The following GSDMD variants were observed in gnomAD, a reference collection of about 807,000 sequenced individuals.
The protein encoded by GSDMD is gasdermin D, also known as gasdermin-D.
A neutral mutation model predicts 46.7 loss-of-function variants in GSDMD; 46 were observed. The observed-to-expected ratio is 0.99, with a 90% confidence interval of 0.78 to 1.26. The LOEUF (loss-of-function observed/expected upper bound fraction) is 1.26, where lower values mean the gene tolerates loss of function less well. GSDMD is among the 50% of genes most tolerant of loss of function. The pLI, the probability that GSDMD is intolerant of heterozygous loss-of-function variation, is 0.00. For synonymous variants in GSDMD, 307 were observed against 283.1 expected, an observed-to-expected ratio of 1.08 and a Z score of -0.85; for missense variants, 649 against 638.8, an observed-to-expected ratio of 1.02 and a Z score of -0.17.
chr8:143,554,931 C>A (rs1823275457), upstream of GSDMD: 1 of 152,310 alleles, frequency 6.6e-6, no homozygotes, highest in Admixed American at 6.5e-5. Flanking sequence ...TTGGGTACCC[C>A]CTGCCCTAGG....
upstream of GSDMD, among the ~76,000 whole-genome samples, chr8:143,557,283 T>TTGCCGCTATGGCAAAGGATGC (rs1563902440): frequency 9.5e-5 from 10 of 105,378 alleles, no homozygotes; most frequent in South Asian, 3.3e-4. Flanking sequence ...GGTTTCCACC[T>TTGCCGCTATGGCAAAGGATGC]TGCCGCTATG....
intron 5 of GSDMD, 101 bp from the exon 6 acceptor site, chr8:143,561,269 C>T: frequency 7.9e-7 from 1 of 1,268,422 alleles, no homozygotes; most frequent in Non-Finnish European, 1.1e-6. Flanking sequence ...GGTGATTGGG[C>T]AGGGCCTGAG....
rs1188975535 is a variant in GSDMD, at chr8:143,562,154, G to T, written c.996+23G>T. On this transcript the variant is annotated intron_variant, in intron 8 of 10. Coordinates refer to ENST00000262580, the MANE Select transcript of GSDMD (RefSeq NM_024736.7). ...GCGGTGAGCGGGGGAGGGTGCCCGG[G>T]GCACACAAGGCCTGCCCAGCCAGCC... 2.8e-5 allele frequency: 44 copies of T among 1,597,134 alleles called. No homozygotes were observed. In the East Asian group the frequency reaches 9.6e-4, roughly 35 times the overall value.
chr8:143,561,684 T>C (rs1272047965), intron 6 of GSDMD, 58 bp from the exon 7 acceptor site: 1 of 1,402,320 alleles, frequency 7.1e-7, no homozygotes, highest in Non-Finnish European at 9.9e-7. Flanking sequence ...CAGCCCTCTC[T>C]GGCTCAGACA....
At position 143,558,469 on chromosome 8, in the gene GSDMD, C is replaced by A. The variant is rs776443754; in HGVS notation, c.-5+18C>A. The stretch of plus-strand genomic sequence containing the variant: ...CGGTCACGGTGAGCTGCGCCCCGCC[C>A]CCTCCCCCGGCCTGGCTGGAGCTCC... On this transcript the variant is annotated intron_variant, in intron 1 of 10. Coordinates refer to ENST00000262580, the MANE Select transcript of GSDMD (RefSeq NM_024736.7). 1.5e-5 allele frequency: 22 copies of A among 1,470,844 alleles called. No homozygotes were observed. Among genetic ancestry groups the A allele is most frequent in the Non-Finnish European group, 2.0e-5 (22 of 1,116,694 alleles). The allele number at this position is 1,470,844 out of a possible 1,614,324, so 91.1% of individuals were successfully genotyped here.
upstream of GSDMD, among the ~76,000 whole-genome samples, chr8:143,556,654 C>T (rs1248243773): frequency 6.6e-6 from 1 of 152,248 alleles, no homozygotes; most frequent in Non-Finnish European, 1.5e-5. Context: ...AGGAGTGGGG[C>T]CGAAGCCCAA....
rs781696667 is a variant in GSDMD, at chr8:143,560,594, C to G, written c.411-9C>G. The G allele has an allele frequency of 2.4e-5, 37 of 1,572,980 alleles. No homozygotes were observed. The highest frequency in any genetic ancestry group is 2.8e-5 in the Non-Finnish European group (33 of 1,159,096). ...CGGCCCAGCGAGCTTTGCTGCTCCT[C>G]GGACACAGGCACCTGCGGCAGCCAG... On this transcript the variant is annotated splice_polypyrimidine_tract_variant and intron_variant, in intron 3 of 10. Transcript: ENST00000262580.
chr8:143,562,505 T>G lies in GSDMD; in HGVS notation c.1196T>G (p.Leu399Trp), dbSNP rs1424204860. ...LAEALESQTL[L>W]GPLELVGSLL... ...GAGGCGCTGGAGTCGCAGACCCTGT[T>G]GGGGCCGCTCGAGCTGGTGAGAGGG... The change falls in exon 10 of 11, where the codon TTG becomes TGG. Residue 399 changes from leucine to tryptophan, a missense_variant. Physicochemically the swap from Leu to Trp is moderately conservative, Grantham distance 61. Coordinates refer to ENST00000262580, the MANE Select transcript of GSDMD (RefSeq NM_024736.7). 1 of 1,607,674 alleles carries G rather than the reference T, an allele frequency of 6.2e-7. No individual in the cohort carries two copies. Among genetic ancestry groups the G allele is most frequent in the African/African-American group, 1.3e-5 (1 of 74,862 alleles).
chr8:143,558,036 A>AGG, upstream of GSDMD: 1 of 378,318 alleles, frequency 2.6e-6, no homozygotes, highest in Non-Finnish European at 5.1e-6. Context: ...CTGGGATCAC[A>AGG]GGCATGCGCC....
chr8:143,555,604 A>C (rs1338062138), upstream of GSDMD, among the ~76,000 whole-genome samples: 1 of 152,186 alleles, frequency 6.6e-6, no homozygotes, highest in African/African-American at 2.4e-5. Flanking sequence ...GCAGCACAAC[A>C]GCTCAGCACG....
upstream of GSDMD, among the ~76,000 whole-genome samples, chr8:143,557,255 G>C (rs896919367): frequency 8.0e-5 from 12 of 150,930 alleles, no homozygotes; most frequent in African/African-American, 2.9e-4. Flanking sequence ...GTCTATGCAC[G>C]CCTCAGTGGA....
At chr8:143,560,955 A>C (rs759360185) in intron 4 of GSDMD, 47 bp from the exon 5 acceptor site, 26 of 1,548,806 alleles carry the variant, frequency 1.7e-5, no homozygotes, top group African/African-American at 4.1e-5. Context: ...CCCGCACCCC[A>C]CGGCCCGGTG....
At chr8:143,561,188 C>T (rs1159495911) in intron 5 of GSDMD, 84 bp downstream of exon 5, 2 of 1,375,946 alleles carry the variant, frequency 1.5e-6, no homozygotes, top group Middle Eastern at 1.8e-4. Flanking sequence ...CCAGCTTGGG[C>T]TGCCGTGGGC....
At chr8:143,559,052 G>C in intron 1 of GSDMD, 1 of 567,662 alleles carries the variant, frequency 1.8e-6, no homozygotes. Flanking sequence ...CTAGTGGACA[G>C]AGCCCTCTGT....
At chr8:143,554,161 T>G (rs1823257915), upstream of GSDMD, among the ~76,000 whole-genome samples, 1 of 152,234 alleles carries the variant, frequency 6.6e-6, no homozygotes, top group African/African-American at 2.4e-5. Context: ...CTCCCCTTCC[T>G]GCAGCGGACA....
chr8:143,558,277 G>A, upstream of GSDMD: 3 of 1,459,968 alleles, frequency 2.1e-6, no homozygotes, highest in East Asian at 2.7e-5. Context: ...GAGGGGGCAG[G>A]AAGGGGGCCG....
upstream of GSDMD, chr8:143,558,227 C>T (rs1389513729): frequency 4.8e-6 from 6 of 1,241,248 alleles, no homozygotes; most frequent in African/African-American, 3.2e-5. Context: ...AAGGTTCCTC[C>T]GGACGCGCGA....
chr8:143,554,806 G>A (rs1823273370), upstream of GSDMD, among the ~76,000 whole-genome samples: 1 of 152,232 alleles, frequency 6.6e-6, no homozygotes, highest in South Asian at 2.1e-4. Flanking sequence ...GCGCACAAAC[G>A]CGTTAGTCTC....
chr8:143,560,610 C>T lies in GSDMD; in HGVS notation c.418C>T (p.Arg140Trp), dbSNP rs548441163. ...GCTGCTCCTCGGACACAGGCACCTG[C>T]GGCAGCCAGAACACAAAGTCCTGCA... ...WQTLLHERHL[R>W]QPEHKVLQQL... is the part of the protein sequence containing the mutation. Residue 140 changes from arginine (R) to tryptophan (W), a missense_variant, in exon 4 of 11, where the codon CGG (arginine) becomes TGG (tryptophan). Physicochemically the swap from Arg to Trp is moderately radical, Grantham distance 101. Coordinates refer to ENST00000262580, the MANE Select transcript of GSDMD (RefSeq NM_024736.7). 11 of 1,581,800 alleles carry T rather than the reference C, an allele frequency of 7.0e-6. No individual in the cohort carries two copies. The East Asian group carries it at 1.4e-4, about 20-fold the overall frequency.
Sources: allele counts gnomAD v4.1 joint callset (sites outside exome capture counted in the v4.1 genomes callset), GRCh38; gene constraint gnomAD v4.1.1; transcripts MANE v1.5; gene names NCBI Gene and HGNC (gene_info 2026-07-23, HGNC 2026-07-21).